The following TUBGCP4 variants were observed in gnomAD, a reference collection of about 807,000 sequenced individuals.
TUBGCP4 encodes the protein tubulin gamma complex component 4.
TUBGCP4 carries 54 observed loss-of-function variants against 91.6 expected under a neutral mutation model. The observed-to-expected ratio is 0.59, with a 90% CI of 0.47 to 0.74. The LOEUF (loss-of-function observed/expected upper bound fraction) is 0.74. Ranked by LOEUF, TUBGCP4 falls within the 30% of genes least tolerant of loss-of-function variation. The probability of loss-of-function intolerance (pLI) is 0.00; values close to 1 mark genes in which losing one functional copy is unlikely to be tolerated. For synonymous variants in TUBGCP4, 297 were observed against 302.8 expected (o/e 0.98, Z 0.20); for missense variants, 593 against 800.9 (o/e 0.74, Z 3.13).
At chr15:43,381,371 A>T (rs1306800921) in intron 6 of TUBGCP4, among the ~76,000 whole-genome samples, 2 of 152,172 alleles carry the variant, frequency 1.3e-5, no homozygotes, top group East Asian at 3.9e-4. Flanking sequence ...AAGTTCTTGT[A>T]ATTTCTTTTT....
rs369650028 is a variant in TUBGCP4 at position 43,376,206 on chromosome 15, A to T, written c.187A>T (p.Thr63Ser). 6.2e-7 allele frequency: 1 copy of T among 1,613,698 alleles called. No homozygotes were observed. The highest frequency in any genetic ancestry group is 8.5e-7 in the Non-Finnish European group (1 of 1,179,984). The part of the protein sequence containing the change: ...IRFTEFIEQY[T>S]GHVQQQDHHP... ...CTTCACTGAGTTCATTGAACAGTAC[A>T]CGGGCCATGTGCAACAGCAGGTGGG... The change falls in exon 2 of 18, where the codon ACG becomes TCG. Residue 63 changes from threonine (T) to serine (S), a missense_variant. Transcript: ENST00000564079.
intron 16 of TUBGCP4, 121 bp downstream of exon 16, chr15:43,403,920 A>G (rs1395497756): frequency 4.3e-6 from 3 of 693,090 alleles, no homozygotes; most frequent in African/African-American, 3.6e-5. Context: ...ACGTACAGAG[A>G]TAAGATACAA....
Position 43,407,311 on chromosome 15 carries a change from G to A in TUBGCP4, c.*2097G>A, listed in dbSNP as rs1312778429. 2.2e-6 allele frequency: 3 copies of A among 1,339,830 alleles called. No individual in the cohort carries two copies. In the Admixed American group the frequency reaches 5.4e-5, roughly 24 times the overall value. 83.0% of individuals were successfully genotyped at this position (1,339,830 alleles called of 1,614,324 possible). ...ATGCAAGGAATCCAGTTACACACAA[G>A]ACACATTTAAAACCTGGTTAAAACA... On this transcript the variant is annotated 3_prime_UTR_variant, in exon 18 of 18. Transcript: ENST00000564079.
chr15:43,374,240 A>G (rs1038914642), intron 1 of TUBGCP4, among the ~76,000 whole-genome samples: 1 of 152,194 alleles, frequency 6.6e-6, no homozygotes, highest in Admixed American at 6.5e-5. Flanking sequence ...AAGTATTAGC[A>G]CAGTACCTGG....
At position 43,380,129 on chromosome 15, in the gene TUBGCP4, G is replaced by C. The variant is rs771153821; in HGVS notation, c.487G>C (p.Gly163Arg). 2.5e-6 allele frequency: 4 copies of C among 1,614,092 alleles called. No individual in the cohort carries two copies. The highest frequency in any genetic ancestry group is 1.7e-5 in the Admixed American group (1 of 60,014). ...ILETVYKHSCGGLPPVRSALE... is the reference protein window; with the variant it reads ...ILETVYKHSCRGLPPVRSALE... ...GGAAACAGTCTACAAACACAGCTGT[G>C]GGGGGTTGCCTCCTGTTCGAAGTGC... The change falls in exon 6 of 18, where the codon GGG (glycine) becomes CGG (arginine). Residue 163 changes from glycine (G) to arginine (R), a missense_variant. Gly to Arg is a moderately radical substitution (Grantham distance 125, BLOSUM62 -2). Coordinates refer to ENST00000564079, the MANE Select transcript of TUBGCP4 (RefSeq NM_014444.5).
At position 43,406,606 on chromosome 15, in the gene TUBGCP4, A is replaced by T. The variant is rs1428452602; in HGVS notation, c.*1392A>T. ...TACTCTTTGACCCTTTACAGAAAAA[A>T]ACCTTGTTGACCCCTGCTTTAGAGA... On this transcript the variant is annotated 3_prime_UTR_variant, in exon 18 of 18. Transcript: ENST00000564079. 2.2e-6 allele frequency: 1 copy of T among 455,924 alleles called. No homozygotes were observed. The highest frequency in any genetic ancestry group is 2.0e-5 in the African/African-American group (1 of 50,072). The allele number at this position is 455,924 out of a possible 1,614,324, so 28.2% of individuals were successfully genotyped here.
chr15:43,375,304 A>G (rs981164898), intron 1 of TUBGCP4, among the ~76,000 whole-genome samples: 1 of 152,252 alleles, frequency 6.6e-6, no homozygotes, highest in Admixed American at 6.5e-5. Context: ...TGGGGCAAAC[A>G]AAAAAGTTCT....
chr15:43,404,737 C>T, intron 17 of TUBGCP4, 185 bp downstream of exon 17: 1 of 660,686 alleles, frequency 1.5e-6, no homozygotes, highest in Non-Finnish European at 2.5e-6. Context: ...AAGTCATCAT[C>T]ATCATAAAAT....
At chr15:43,386,120 C>T in intron 8 of TUBGCP4, 86 bp from the exon 9 acceptor site, 2 of 1,539,184 alleles carry the variant, frequency 1.3e-6, no homozygotes, top group South Asian at 1.3e-5. Flanking sequence ...GAAGTTGCTG[C>T]CCCACTGAGA....
chr15:43,407,818 T>G lies in TUBGCP4; in HGVS notation c.*2604T>G. ...TGACTCACCTCTTGAAGGTGGTACT[T>G]TTCTTCTCTAAGAAACATGGATACG... On this transcript the variant is annotated 3_prime_UTR_variant, in exon 18 of 18. Transcript: ENST00000564079. The G allele has an allele frequency of 9.5e-7, 1 of 1,056,754 alleles. No homozygotes were observed. Among genetic ancestry groups the G allele is most frequent in the Non-Finnish European group, 1.4e-6 (1 of 731,064 alleles). The allele number at this position is 1,056,754 out of a possible 1,614,324, so 65.5% of individuals were successfully genotyped here. A position where few individuals can be genotyped will look rare whatever the true frequency, so the allele number is the denominator to read the frequency against.
chr15:43,376,045 G>A, intron 1 of TUBGCP4, 53 bp from the exon 2 acceptor site: 3 of 1,602,790 alleles, frequency 1.9e-6, no homozygotes, highest in Admixed American at 3.3e-5. Context: ...TGAAGCACCT[G>A]AAAGTTGGGG....
rs1358017865 is a variant in TUBGCP4, at chr15:43,386,344, CGTATATATATATATATAT to C, written c.1014+15_1014+32del. On this transcript the variant is annotated intron_variant, in intron 9 of 17. Transcript: ENST00000564079. Reference sequence around the variant, plus strand: ...ACTGTGGCTGAGGTTTGTGTTTCATCGTATATATATATATATATATATATATATATATATTTTTTTTTT... The same window carrying C: ...ACTGTGGCTGAGGTTTGTGTTTCATCATATATATATATATATTTTTTTTTT... 1.8e-4 allele frequency: 45 copies of C among 245,616 alleles called. 8 individuals are homozygous for C. Among genetic ancestry groups the C allele is most frequent in the South Asian group, 5.7e-4 (14 of 24,664 alleles). 15.2% of individuals were successfully genotyped at this position (245,616 alleles called of 1,614,324 possible). A position where few individuals can be genotyped will look rare whatever the true frequency, so the allele number is the denominator to read the frequency against.
Position 43,401,824 on chromosome 15 carries a change from G to T in TUBGCP4, c.1705G>T (p.Ala569Ser). 1 of 1,614,072 alleles carries T rather than the reference G, an allele frequency of 6.2e-7. No individual in the cohort carries two copies. Among genetic ancestry groups the T allele is most frequent in the Non-Finnish European group, 8.5e-7 (1 of 1,180,004 alleles). ...AHDHFLSNLL[A>S]QSFILLKPVF... The stretch of plus-strand genomic sequence containing the variant: ...TGACCACTTCCTGAGCAATTTGCTG[G>T]CTCAATCCTTTATCCTATTGAAACC... The change falls in exon 15 of 18, where the codon GCT becomes TCT. Residue 569 changes from alanine to serine, a missense_variant. Coordinates refer to ENST00000564079, the MANE Select transcript of TUBGCP4 (RefSeq NM_014444.5).
At chr15:43,402,563 TTCTC>T (rs1173343064) in intron 15 of TUBGCP4, 3 of 152,268 alleles carry the variant, frequency 2.0e-5, no homozygotes, top group Admixed American at 2.0e-4. Context: ...AGAGTAGTGT[TTCTC>T]TCTCGATCTA....
chr15:43,380,705 C>G (rs1283753906), intron 6 of TUBGCP4, among the ~76,000 whole-genome samples: 1 of 152,118 alleles, frequency 6.6e-6, no homozygotes, highest in East Asian at 1.9e-4. Context: ...GATATATTCA[C>G]TTGATAGACT....
chr15:43,399,980 G>A (rs1008602519), intron 13 of TUBGCP4, 64 bp from the exon 14 acceptor site: 2 of 1,390,936 alleles, frequency 1.4e-6, no homozygotes, highest in Non-Finnish European at 2.0e-6. Context: ...CCTAGAGTCT[G>A]TCGTGTGGGG....
At chr15:43,375,960 A>G in intron 1 of TUBGCP4, 138 bp from the exon 2 acceptor site, 1 of 1,320,094 alleles carries the variant, frequency 7.6e-7, no homozygotes, top group Non-Finnish European at 1.0e-6. Context: ...TTGGAAATAC[A>G]TTGTTATCCA....
intron 1 of TUBGCP4, 108 bp downstream of exon 1, chr15:43,371,540 G>A (rs2044122107): frequency 6.2e-6 from 7 of 1,123,786 alleles, no homozygotes; most frequent in South Asian, 2.6e-5. Context: ...TTCCAGGGCT[G>A]GGGGCGTATC....
chr15:43,377,982 T>A, intron 5 of TUBGCP4, 79 bp downstream of exon 5: 2 of 1,116,854 alleles, frequency 1.8e-6, no homozygotes, highest in South Asian at 2.9e-5. Context: ...ACATTATTTT[T>A]CGAAGACCCT....
Sources: allele counts gnomAD v4.1 joint callset (sites outside exome capture counted in the v4.1 genomes callset), GRCh38; gene constraint gnomAD v4.1.1; transcripts MANE v1.5; gene names NCBI Gene and HGNC (gene_info 2026-07-23, HGNC 2026-07-21).